Variants in ATP2B3 observed in about 807,000 individuals in gnomAD.
The protein encoded by ATP2B3 is plasma membrane calcium-transporting ATPase 3.
ATP2B3 carries 12 observed loss-of-function variants against 70.8 expected under a neutral mutation model. That is an observed-to-expected ratio of 0.17 (90% CI 0.11 to 0.27). The LOEUF (loss-of-function observed/expected upper bound fraction) is 0.27, where lower values mean the gene tolerates loss of function less well. Among genes scored for constraint, ATP2B3 ranks in the 10% least tolerant of loss-of-function variants. The probability of loss-of-function intolerance (pLI) is 1.00; values close to 1 mark genes in which losing one functional copy is unlikely to be tolerated. For missense variants in ATP2B3, 858 were observed against 1,118.5 expected, an observed-to-expected ratio of 0.77 and a Z score of 3.32; for synonymous variants, 460 against 497.8, an observed-to-expected ratio of 0.92 and a Z score of 1.01.
At chrX:153,523,844 C>T (rs946891742) in intron 2 of ATP2B3, among the ~76,000 whole-genome samples, 2 of 109,305 alleles carry the variant, frequency 1.8e-5, no homozygotes, top group African/African-American at 3.3e-5. Context: ...TACAGGGGCC[C>T]GCCACCACAC....
intron 12 of ATP2B3, among the ~76,000 whole-genome samples, chrX:153,551,124 T>A (rs2090451396): frequency 8.9e-6 from 1 of 112,153 alleles, no homozygotes; most frequent in African/African-American, 3.2e-5. Flanking sequence ...AATGGCTGGG[T>A]CGTGGTGTCC....
chrX:153,574,934 A>G (rs1196374606), intron 21 of ATP2B3: 5 of 308,729 alleles, frequency 1.6e-5, no homozygotes, highest in African/African-American at 2.7e-5. Context: ...AAGGCTCAGA[A>G]CTGCTCATCC....
intron 7 of ATP2B3, 124 bp downstream of exon 7, chrX:153,543,292 G>A (rs1330775711): frequency 2.2e-5 from 21 of 959,450 alleles, no homozygotes; most frequent in South Asian, 5.2e-5. Context: ...GTGGGAGGCC[G>A]GGCCCTCTCT....
At chrX:153,545,934 G>A (rs782076707) in intron 7 of ATP2B3, among the ~76,000 whole-genome samples, 154 bp from the exon 8 acceptor site, 3 of 111,416 alleles carry the variant, frequency 2.7e-5, no homozygotes, top group South Asian at 3.8e-4. Flanking sequence ...CATGGTGACC[G>A]TGTGCTGGGA....
intron 10 of ATP2B3, 90 bp from the exon 11 acceptor site, chrX:153,549,407 A>T: frequency 8.4e-7 from 1 of 1,186,610 alleles, no homozygotes; most frequent in East Asian, 3.0e-5. Context: ...GCTGAGCAGA[A>T]CAGAGTCACG....
At chrX:153,543,777 G>A (rs782416414) in intron 7 of ATP2B3, among the ~76,000 whole-genome samples, 2 of 113,232 alleles carry the variant, frequency 1.8e-5, no homozygotes, top group African/African-American at 6.4e-5. Context: ...GGACAAGATT[G>A]AATGGCTGCC....
intron 13 of ATP2B3, among the ~76,000 whole-genome samples, chrX:153,553,942 G>T (rs1427348829): frequency 8.8e-6 from 1 of 113,599 alleles, no homozygotes. Flanking sequence ...TGTGTCACAA[G>T]CAGGGCCACT....
chrX:153,569,976 C>T (rs1387063843), intron 21 of ATP2B3: 5 of 418,225 alleles, frequency 1.2e-5, no homozygotes, highest in South Asian at 9.3e-5. Flanking sequence ...CCGGACCTCC[C>T]GTTCTTTGCT....
intron 16 of ATP2B3, 90 bp from the exon 17 acceptor site, chrX:153,558,022 G>C: frequency 8.4e-6 from 8 of 949,778 alleles, no homozygotes; most frequent in Non-Finnish European, 8.6e-6. Flanking sequence ...GGAGAGCAGG[G>C]AGCCAGCCCA....
At chrX:153,572,947 C>T (rs567395742) in intron 21 of ATP2B3, among the ~76,000 whole-genome samples, 1 of 112,440 alleles carries the variant, frequency 8.9e-6, no homozygotes, top group African/African-American at 3.2e-5. Flanking sequence ...ACTTGAGAGG[C>T]CTTTTATGTC....
At chrX:153,555,133 G>T (rs1477856731) in intron 13 of ATP2B3, among the ~76,000 whole-genome samples, 1 of 111,548 alleles carries the variant, frequency 9.0e-6, no homozygotes, top group African/African-American at 3.3e-5. Context: ...CCACTTAGTG[G>T]TATATGCTGC....
At chrX:153,555,648 G>A (rs1557013186) in intron 13 of ATP2B3, among the ~76,000 whole-genome samples, 1 of 112,184 alleles carries the variant, frequency 8.9e-6, no homozygotes, top group Non-Finnish European at 1.9e-5. Flanking sequence ...CCCCTTGCAG[G>A]CTGTTCGCTT....
chrX:153,549,244 G>A (rs1469456202), intron 10 of ATP2B3, among the ~76,000 whole-genome samples: 1 of 104,656 alleles, frequency 9.6e-6, no homozygotes, highest in Non-Finnish European at 2.0e-5. Context: ...GAGCTGCAGG[G>A]CTGGTGGGTA....
intron 2 of ATP2B3, among the ~76,000 whole-genome samples, chrX:153,524,116 A>G (rs898969908): frequency 3.6e-5 from 4 of 111,137 alleles, no homozygotes; most frequent in Non-Finnish European, 7.5e-5. Flanking sequence ...GCAAAAGGTA[A>G]ACACTTTGTT....
rs1050133497 is a variant in ATP2B3 at position 153,524,781 on chromosome X, C to G, written c.-127+6230C>G. On this transcript the variant is annotated intron_variant, in intron 2 of 21. Transcript: ENST00000263519. ...TACCTGGTATCATTTAATACCTGAC[C>G]TGCCGGCCCCACCTCAGCAATCCTA... is the stretch of plus-strand genomic sequence containing the variant. Among the ~76,000 whole-genome samples, 3 of 111,658 alleles carry G rather than the reference C, an allele frequency of 2.7e-5. No individual in the cohort carries two copies. The East Asian group carries it at 8.4e-4, about 31-fold the overall frequency.
At chrX:153,520,751 G>GGT (rs1318185295) in intron 2 of ATP2B3, among the ~76,000 whole-genome samples, 1 of 112,420 alleles carries the variant, frequency 8.9e-6, no homozygotes, top group Non-Finnish European at 1.9e-5. Flanking sequence ...TCTGGTCTGT[G>GGT]CTTGTAGCCA....
intron 2 of ATP2B3, among the ~76,000 whole-genome samples, chrX:153,527,386 C>T (rs2090050476): frequency 8.8e-6 from 1 of 113,216 alleles, no homozygotes; most frequent in African/African-American, 3.2e-5. Flanking sequence ...CTGGGCAGGC[C>T]CGGGCTGGCA....
At chrX:153,540,113 G>A (rs782498544) in intron 3 of ATP2B3, among the ~76,000 whole-genome samples, 62 of 112,210 alleles carry the variant, frequency 5.5e-4, no homozygotes, top group African/African-American at 1.6e-3. Context: ...TGTGCTCACC[G>A]GGTCCTGTCG....
At chrX:153,567,350 C>T (rs1256830266) in intron 21 of ATP2B3, among the ~76,000 whole-genome samples, 4 of 113,435 alleles carry the variant, frequency 3.5e-5, no homozygotes, top group Admixed American at 9.2e-5. Context: ...GTGCCTTCTA[C>T]GAGACCATGC....
Sources: gnomAD v4.1 joint callset for allele counts (sites outside exome capture counted in the v4.1 genomes callset) on GRCh38, gnomAD v4.1.1 for gene constraint, MANE v1.5 for transcripts, NCBI Gene and HGNC (gene_info 2026-07-23, HGNC 2026-07-21) for gene names.